Variants in SLAIN2 observed in about 807,000 individuals in gnomAD.
SLAIN2 encodes SLAIN motif-containing protein 2.
Under a neutral mutation model 56.6 loss-of-function variants are expected in SLAIN2, and 31 were observed. The observed-to-expected ratio is 0.55, with a 90% CI of 0.41 to 0.74. The LOEUF (loss-of-function observed/expected upper bound fraction) is 0.74, where lower values mean the gene tolerates loss of function less well. Among genes scored for constraint, SLAIN2 ranks in the 30% least tolerant of loss-of-function variants. The pLI is 0.00. For synonymous variants in SLAIN2, 317 were observed against 284.9 expected, an observed-to-expected ratio of 1.11 and a Z score of -1.13; for missense variants, 777 against 754.2, an observed-to-expected ratio of 1.03 and a Z score of -0.35.
At chr4:48,346,567 A>T (rs1435690950) in intron 1 of SLAIN2, among the ~76,000 whole-genome samples, 1 of 152,110 alleles carries the variant, frequency 6.6e-6, no homozygotes, top group Admixed American at 6.5e-5. Context: ...CTCTTTGTTT[A>T]TGTATGCTTT....
chr4:48,412,365 T>TACACACACACACACACACACAC (rs748099130), intron 6 of SLAIN2, among the ~76,000 whole-genome samples: 1 of 112,904 alleles, frequency 8.9e-6, no homozygotes, highest in Non-Finnish European at 1.9e-5. Flanking sequence ...TTTGTATATG[T>TACACACACACACACACACACAC]ACACACACAC....
intron 6 of SLAIN2, among the ~76,000 whole-genome samples, chr4:48,410,910 G>T (rs1716827416): frequency 6.6e-6 from 1 of 152,172 alleles, no homozygotes; most frequent in Non-Finnish European, 1.5e-5. Context: ...CAAAGTTGCT[G>T]CAGAATGCAG....
chr4:48,420,027 A>G, intron 6 of SLAIN2, 98 bp from the exon 7 acceptor site: 2 of 1,193,888 alleles, frequency 1.7e-6, no homozygotes, highest in South Asian at 1.5e-5. Context: ...TCCTGAATAC[A>G]CATGTACTAG....
intron 1 of SLAIN2, among the ~76,000 whole-genome samples, chr4:48,344,809 T>C (rs1411388387): frequency 6.6e-6 from 1 of 152,164 alleles, no homozygotes; most frequent in East Asian, 1.9e-4. Context: ...TTACTTTTAC[T>C]ACAAGTGGTA....
intron 2 of SLAIN2, among the ~76,000 whole-genome samples, chr4:48,375,688 T>C (rs1715792667): frequency 1.3e-5 from 2 of 152,202 alleles, no homozygotes; most frequent in South Asian, 4.1e-4. Context: ...ACCTACTAAC[T>C]AGGTTTCAGA....
intron 1 of SLAIN2, among the ~76,000 whole-genome samples, chr4:48,344,800 T>A (rs1714819406): frequency 6.6e-6 from 1 of 152,196 alleles, no homozygotes; most frequent in Non-Finnish European, 1.5e-5. Flanking sequence ...AAATGTTGAT[T>A]ACTTTTACTA....
chr4:48,355,445 T>C (rs1342627913), intron 1 of SLAIN2, among the ~76,000 whole-genome samples: 2 of 152,198 alleles, frequency 1.3e-5, no homozygotes, highest in African/African-American at 4.8e-5. Context: ...AGGTTTTCTT[T>C]TAGGACAATG....
In SLAIN2 at chr4:48,369,841, T is replaced by C. The variant is rs776535681; in HGVS notation, c.390-8T>C. On this transcript the variant is annotated splice_region_variant and splice_polypyrimidine_tract_variant and intron_variant, in intron 1 of 7. Coordinates refer to ENST00000264313, the MANE Select transcript of SLAIN2 (RefSeq NM_020846.2). ...AGGAATTTTCTGTTTTTTGTTGTCT[T>C]CTTCTAGGCTGTATTCATCACCAAA... 1.9e-6 allele frequency: 3 copies of C among 1,601,474 alleles called. No individual in the cohort carries two copies. In the African/African-American group the frequency reaches 4.0e-5, roughly 22 times the overall value.
At position 48,423,606 on chromosome 4, in the gene SLAIN2, A is replaced by G. The variant is rs1345828830; in HGVS notation, c.*1529A>G. On this transcript the variant is annotated 3_prime_UTR_variant, in exon 8 of 8. Transcript: ENST00000264313. ...GATATTCTGGACAGCATTAAGGTTGATAGGTTGATGATAAAAACTTAAAAC... is the reference window on the plus strand; with the variant it reads ...GATATTCTGGACAGCATTAAGGTTGGTAGGTTGATGATAAAAACTTAAAAC... 3 of 152,194 alleles carry G rather than the reference A, an allele frequency of 2.0e-5. No homozygotes were observed. The highest frequency in any genetic ancestry group is 2.9e-5 in the Non-Finnish European group (2 of 68,042). 9.4% of individuals were successfully genotyped at this position (152,194 alleles called of 1,614,324 possible).
At chr4:48,347,490 C>G (rs1037733203) in intron 1 of SLAIN2, among the ~76,000 whole-genome samples, 1 of 152,110 alleles carries the variant, frequency 6.6e-6, no homozygotes, top group Non-Finnish European at 1.5e-5. Context: ...CTCAAGTGAT[C>G]CACCTGCTTC....
rs139625768 is a variant in SLAIN2, at chr4:48,396,718, C to T, written c.1360+12934C>T. Among the ~76,000 whole-genome samples the T allele has an allele frequency of 1.6e-3, 250 of 152,230 alleles. 2 individuals carry two copies. Among genetic ancestry groups the T allele is most frequent in the African/African-American group, 5.3e-3 (222 of 41,540 alleles). ...TGGCACACAAATCAATTCATCCATCCTGGGGATGAACCTGTACAATTGTCT... is the reference window on the plus strand; with the variant it reads ...TGGCACACAAATCAATTCATCCATCTTGGGGATGAACCTGTACAATTGTCT... On this transcript the variant is annotated intron_variant, in intron 6 of 7. Transcript: ENST00000264313.
chr4:48,389,472 T>C (rs1425951426), intron 6 of SLAIN2, among the ~76,000 whole-genome samples: 1 of 152,208 alleles, frequency 6.6e-6, no homozygotes, highest in Non-Finnish European at 1.5e-5. Flanking sequence ...GTATATGTTA[T>C]ATTTCCAGCA....
chr4:48,384,409 A>G (rs1362885065), intron 6 of SLAIN2, among the ~76,000 whole-genome samples: 1 of 152,202 alleles, frequency 6.6e-6, no homozygotes, highest in Non-Finnish European at 1.5e-5. Flanking sequence ...GGCTATTTTA[A>G]TGAAAAAATA....
intron 2 of SLAIN2, among the ~76,000 whole-genome samples, chr4:48,374,193 G>T (rs1411277813): frequency 2.0e-5 from 3 of 152,158 alleles, no homozygotes; most frequent in African/African-American, 4.8e-5. Flanking sequence ...ATAGGAACCA[G>T]ACTCTGTAAA....
chr4:48,375,879 A>C (rs1352270420), intron 2 of SLAIN2, among the ~76,000 whole-genome samples: 1 of 152,062 alleles, frequency 6.6e-6, no homozygotes, highest in East Asian at 1.9e-4. Context: ...TCAAGTTACT[A>C]CTCATCCTCT....
At chr4:48,347,304 C>T (rs1288042537) in intron 1 of SLAIN2, among the ~76,000 whole-genome samples, 1 of 152,082 alleles carries the variant, frequency 6.6e-6, no homozygotes, top group African/African-American at 2.4e-5. Context: ...CTACAGCTCA[C>T]TGCAGCTTCA....
At position 48,341,819 on chromosome 4, in the gene SLAIN2, A is replaced by G; in HGVS notation, c.80A>G (p.Gln27Arg). The change falls in exon 1 of 8, where the codon CAG becomes CGG. Residue 27 changes from glutamine to arginine, a missense_variant. Transcript: ENST00000264313. Reference sequence around the variant, plus strand: ...GAGCTGGTGAAGAAGCTGGAGAAGCAGAACGAACAGCTGAGGAGCCGCTCG... The same window carrying G: ...GAGCTGGTGAAGAAGCTGGAGAAGCGGAACGAACAGCTGAGGAGCCGCTCG... Reference protein sequence around the residue: ...LQELVKKLEKQNEQLRSRSGA... With the variant: ...LQELVKKLEKRNEQLRSRSGA... 6.5e-7 allele frequency: 1 copy of G among 1,533,620 alleles called. No individual in the cohort carries two copies. The highest frequency in any genetic ancestry group is 8.8e-7 in the Non-Finnish European group (1 of 1,140,392).
chr4:48,413,434 T>C (rs1219101384), intron 6 of SLAIN2, among the ~76,000 whole-genome samples: 3 of 152,182 alleles, frequency 2.0e-5, no homozygotes, highest in Non-Finnish European at 4.4e-5. Context: ...TGGTCAGTAA[T>C]AACTTTTTTT....
Position 48,403,338 on chromosome 4 carries a change from C to G in SLAIN2, c.1361-16787C>G, listed in dbSNP as rs1409250153. Among the ~76,000 whole-genome samples, 4 of 152,110 alleles carry G rather than the reference C, an allele frequency of 2.6e-5. No homozygotes were observed. In the South Asian group the frequency reaches 6.2e-4, roughly 24 times the overall value. ...AAGGCTGTTGGCTGAACCACAGAGA[C>G]AGCGGTCGCTCCTCCTCCAGGGGCT... On this transcript the variant is annotated intron_variant, in intron 6 of 7. Transcript: ENST00000264313.
Sources: allele counts gnomAD v4.1 joint callset (sites outside exome capture counted in the v4.1 genomes callset), GRCh38; gene constraint gnomAD v4.1.1; transcripts MANE v1.5; gene names NCBI Gene and HGNC (gene_info 2026-07-23, HGNC 2026-07-21).